CCNH: variants seen among roughly 807,000 people sequenced by gnomAD.
CCNH encodes the protein cyclin H, also known as cyclin-H.
In CCNH, 31 loss-of-function variants were observed where a neutral mutation model predicts 41.9. The ratio of observed to expected loss-of-function variants is 0.74; its 90% CI spans 0.56 to 1.00. The LOEUF (loss-of-function observed/expected upper bound fraction) is 1.00. Among genes scored for constraint, CCNH ranks in the 50% least tolerant of loss-of-function variants. The pLI, the probability that CCNH is intolerant of heterozygous loss-of-function variation, is 0.00. For missense variants in CCNH, 362 were observed against 388.4 expected (o/e 0.93, Z 0.57); for synonymous variants, 138 against 136.1 (o/e 1.01, Z -0.10).
chr5:87,411,384 C>A, intron 1 of CCNH, 38 bp from the exon 2 acceptor site: 1 of 1,561,564 alleles, frequency 6.4e-7, no homozygotes, highest in Non-Finnish European at 8.6e-7. Context: ...TCAATGAATT[C>A]AATGAATTAA....
intron 9 of CCNH, among the ~76,000 whole-genome samples, chr5:87,329,552 A>G (rs568405686): frequency 1.3e-5 from 2 of 152,330 alleles, no homozygotes; most frequent in Non-Finnish European, 2.9e-5. Context: ...TGCCTCATGT[A>G]TCTCTGTGTA....
At chr5:87,349,187 G>C (rs756756206) in intron 9 of CCNH, 1 of 1,609,180 alleles carries the variant, frequency 6.2e-7, no homozygotes, top group Non-Finnish European at 8.5e-7. Flanking sequence ...GATAATTAGG[G>C]AAAAACTAAC....
At chr5:87,393,722 A>C (rs1762692690), downstream of CCNH, 1 of 152,166 alleles carries the variant, frequency 6.6e-6, no homozygotes, top group African/African-American at 2.4e-5. Context: ...ATTACTCAGA[A>C]AACTGAGGCA....
intron 7 of CCNH, among the ~76,000 whole-genome samples, chr5:87,396,495 T>G (rs3093845): frequency 0.012 from 1,813 of 152,144 alleles, 28 homozygotes; most frequent in African/African-American, 0.041. Context: ...CATGTTGGCA[T>G]GCACCTGTCG....
At chr5:87,386,715 G>A, downstream of CCNH, 2 of 865,312 alleles carry the variant, frequency 2.3e-6, no homozygotes, top group Non-Finnish European at 3.9e-6. Flanking sequence ...TTAATTTGGT[G>A]CAATAGTAAT....
intron 1 of CCNH, chr5:87,412,475 C>T (rs1764331480): frequency 1.4e-6 from 2 of 1,416,260 alleles, no homozygotes; most frequent in Non-Finnish European, 1.8e-6. Flanking sequence ...TACTTGTCTG[C>T]CATTCGACGA....
At chr5:87,345,676 A>T (rs1294206995) in intron 9 of CCNH, among the ~76,000 whole-genome samples, 1 of 152,196 alleles carries the variant, frequency 6.6e-6, no homozygotes, top group Non-Finnish European at 1.5e-5. Flanking sequence ...TTATATTTTC[A>T]TACTTCACCA....
At chr5:87,311,813 C>T in the CCNH span, among the ~76,000 whole-genome samples, 1 of 152,150 alleles carries the variant, frequency 6.6e-6, no homozygotes, top group African/African-American at 2.4e-5. Flanking sequence ...CAAGGCCCCT[C>T]CCGTAAATTA....
intron 2 of CCNH, among the ~76,000 whole-genome samples, chr5:87,410,679 G>A (rs1764165039): frequency 1.3e-5 from 2 of 151,976 alleles, no homozygotes; most frequent in African/African-American, 2.4e-5. Context: ...TCAGCTACCT[G>A]TTTCTCCTCA....
chr5:87,386,974 A>C (rs539633011), downstream of CCNH: 1 of 1,334,558 alleles, frequency 7.5e-7, no homozygotes, highest in East Asian at 2.3e-5. Flanking sequence ...CCATTTAAGC[A>C]GCAATCTTTA....
At chr5:87,336,064 C>T (rs1190614117) in intron 9 of CCNH, among the ~76,000 whole-genome samples, 5 of 152,114 alleles carry the variant, frequency 3.3e-5, no homozygotes, top group East Asian at 1.9e-4. Context: ...AGATTTTCCT[C>T]ATATGTTTTA....
chr5:87,378,271 C>T, upstream of CCNH: 1 of 1,086,832 alleles, frequency 9.2e-7, no homozygotes, highest in Admixed American at 1.8e-5. Context: ...ACTTTCAACG[C>T]TGCACGCAAA....
chr5:87,334,854 A>G (rs1050173188), intron 9 of CCNH, among the ~76,000 whole-genome samples: 3 of 152,164 alleles, frequency 2.0e-5, no homozygotes, highest in African/African-American at 7.2e-5. Flanking sequence ...TGTCATGAGG[A>G]AAAGCAGTGA....
rs776418120 is a variant in CCNH at position 87,412,670 on chromosome 5, A to G, written c.117+8T>C. 6.2e-7 allele frequency: 1 copy of G among 1,613,780 alleles called. No homozygotes were observed. Among genetic ancestry groups the G allele is most frequent in the Non-Finnish European group, 8.5e-7 (1 of 1,179,778 alleles). ...CGGGCAACTGGGCAACCGTTGGGAA[A>G]ACCTCACCTTCCCGTTGGCCACGGC... On this transcript the variant is annotated splice_region_variant and intron_variant, in intron 1 of 8. Transcript: ENST00000256897.
chr5:87,394,377 A>G lies in CCNH; in HGVS notation c.*69T>C, dbSNP rs1580431603. 1.9e-6 allele frequency: 3 copies of G among 1,560,654 alleles called. No homozygotes were observed. The highest frequency in any genetic ancestry group is 1.7e-6 in the Non-Finnish European group (2 of 1,154,502). ...TGTTTTCACATTATACTTTTTAAAT[A>G]AAGTTAAACGTTTGATATGCTTCCT... On this transcript the variant is annotated 3_prime_UTR_variant, in exon 9 of 9. Coordinates refer to ENST00000256897, the MANE Select transcript of CCNH (RefSeq NM_001239.4).
intron 9 of CCNH, among the ~76,000 whole-genome samples, chr5:87,362,061 G>C (rs945378637): frequency 2.6e-5 from 4 of 152,136 alleles, no homozygotes; most frequent in African/African-American, 9.7e-5. Flanking sequence ...GAACTGTTAG[G>C]TATTTGAAGT....
At chr5:87,375,150 T>C (rs1281425342), downstream of CCNH, among the ~76,000 whole-genome samples, 1 of 152,192 alleles carries the variant, frequency 6.6e-6, no homozygotes, top group African/African-American at 2.4e-5. Context: ...AAGATTAAAA[T>C]ATTTAGCCAC....
At chr5:87,357,990 T>C (rs1210188175) in intron 9 of CCNH, among the ~76,000 whole-genome samples, 2 of 152,202 alleles carry the variant, frequency 1.3e-5, no homozygotes, top group Non-Finnish European at 2.9e-5. Context: ...AAGTTGGTTT[T>C]AGTAGAAGTT....
chr5:87,404,694 T>C, intron 5 of CCNH, 150 bp downstream of exon 5: 1 of 629,824 alleles, frequency 1.6e-6, no homozygotes, highest in Non-Finnish European at 2.7e-6. Context: ...TTTCATGATG[T>C]TTAAAGATTT....
Sources: gnomAD v4.1 joint callset for allele counts (sites outside exome capture counted in the v4.1 genomes callset) on GRCh38, gnomAD v4.1.1 for gene constraint, MANE v1.5 for transcripts, NCBI Gene and HGNC (gene_info 2026-07-23, HGNC 2026-07-21) for gene names.